Variants in ZSCAN31 observed in about 807,000 individuals in gnomAD.
ZSCAN31 encodes the protein zinc finger and SCAN domain-containing protein 31.
In ZSCAN31, 14 loss-of-function variants were observed where a neutral mutation model predicts 22.5. That is an observed-to-expected ratio of 0.62 (90% CI 0.41 to 0.97). The LOEUF is 0.97. Among genes scored for constraint, ZSCAN31 ranks in the 50% least tolerant of loss-of-function variants. ZSCAN31 has a pLI of 0.00. For missense variants in ZSCAN31, 424 were observed against 483.4 expected (o/e 0.88, Z 1.15); for synonymous variants, 168 against 169.8 (o/e 0.99, Z 0.08).
rs115829991 is a variant in ZSCAN31, at chr6:28,351,600, C to T, written c.-371+2262G>A. ...TCATTTTCTTTCATTCTTCTTTTCCCTCCTTTCCACTCTCTTTCCTTCCCT... is the reference window on the plus strand; with the variant it reads ...TCATTTTCTTTCATTCTTCTTTTCCTTCCTTTCCACTCTCTTTCCTTCCCT... On this transcript the variant is annotated intron_variant, in intron 2 of 7. Coordinates refer to the ZSCAN31 transcript ENST00000396838. The surrounding 1 kb of genome is among the most constrained non-coding windows in gnomAD (Gnocchi z 4.6). Among the ~76,000 whole-genome samples, 424 of 151,940 alleles carry T rather than the reference C, an allele frequency of 2.8e-3. 3 individuals carry two copies. The highest frequency in any genetic ancestry group is 9.6e-3 in the African/African-American group (396 of 41,426).
At position 28,325,825 on chromosome 6, in the gene ZSCAN31, C is replaced by T. The variant is rs1763220332; in HGVS notation, c.*341G>A. The stretch of plus-strand genomic sequence containing the variant: ...CAGTATTGCTCAAAAACAGCCCCTC[C>T]ATAACAATTTATTTCCAGATAAGAT... On this transcript the variant is annotated 3_prime_UTR_variant, in exon 4 of 4. Transcript: ENST00000344279. 5.2e-6 allele frequency: 1 copy of T among 193,910 alleles called. No individual in the cohort carries two copies. The allele number at this position is 193,910 out of a possible 1,614,324, so 12.0% of individuals were successfully genotyped here.
At position 28,333,198 on chromosome 6, in the gene ZSCAN31, A is replaced by G. The variant is rs1763894179; in HGVS notation, c.-96+2884T>C. On this transcript the variant is annotated intron_variant, in intron 1 of 3. Transcript: ENST00000344279. The surrounding 1 kb of genome is among the most constrained non-coding windows in gnomAD (Gnocchi z 4.1). ...ACACTCATGAAAGGGAGACAGAAAA[A>G]TAAAAGGTAGTTGACTGCTGACTCA... Among the ~76,000 whole-genome samples, 1 of 152,224 alleles carries G rather than the reference A, an allele frequency of 6.6e-6. No homozygotes were observed. The highest frequency in any genetic ancestry group is 2.4e-5 in the African/African-American group (1 of 41,452).
At chr6:28,327,276 C>T (rs1010958346) in intron 3 of ZSCAN31, 107 bp downstream of exon 3, 61 of 1,302,070 alleles carry the variant, frequency 4.7e-5, no homozygotes, top group Non-Finnish European at 5.6e-5. Context: ...TTAAATGCAG[C>T]GTTTAAATTC....
intron 2 of ZSCAN31, chr6:28,350,121 G>C (rs1382991041): frequency 7.4e-6 from 1 of 135,440 alleles, no homozygotes; most frequent in African/African-American, 2.9e-5. Flanking sequence ...TTTGTGGAGA[G>C]AGGCCCTTCC....
At chr6:28,352,397 T>G (rs978228209) in intron 2 of ZSCAN31, among the ~76,000 whole-genome samples, 2 of 152,182 alleles carry the variant, frequency 1.3e-5, no homozygotes, top group Admixed American at 1.3e-4. Context: ...GGATTACAGG[T>G]GTGTACCACC....
At chr6:28,352,953 C>G (rs1315960326) in intron 2 of ZSCAN31, among the ~76,000 whole-genome samples, 1 of 142,408 alleles carries the variant, frequency 7.0e-6, no homozygotes, top group Non-Finnish European at 1.5e-5. Flanking sequence ...CATTTCTTTT[C>G]TTTTCTTTTT....
At position 28,353,999 on chromosome 6, in the gene ZSCAN31, C is replaced by G. The variant is rs545964565; in HGVS notation, c.-461-47G>C. ...TTTTATTCAGCAGCAGCTGCTGCAG[C>G]TCTCACACTGTCTGCCTCTGTCTCG... is the stretch of plus-strand genomic sequence containing the variant. On this transcript the variant is annotated intron_variant, in intron 1 of 7. Coordinates refer to the ZSCAN31 transcript ENST00000396838. The G allele has an allele frequency of 1.3e-4, 61 of 453,846 alleles. 1 individual carries two copies. The highest frequency in any genetic ancestry group is 9.5e-4 in the South Asian group (61 of 64,396). The allele number at this position is 453,846 out of a possible 1,614,324, so 28.1% of individuals were successfully genotyped here.
In ZSCAN31 at chr6:28,331,034, A is replaced by C. The variant is rs1763700096; in HGVS notation, c.-95-1256T>G. ...AACTATAGAATATGGGTTGTGGGTAAAATTGTGAGAGGAGATGAGGTTAGA... is the reference window on the plus strand; with the variant it reads ...AACTATAGAATATGGGTTGTGGGTACAATTGTGAGAGGAGATGAGGTTAGA... On this transcript the variant is annotated intron_variant, in intron 1 of 3. Coordinates refer to ENST00000344279, the MANE Select transcript of ZSCAN31 (RefSeq NM_030899.5). The surrounding 1 kb of genome is among the most constrained non-coding windows in gnomAD (Gnocchi z 4.8). Among the ~76,000 whole-genome samples the C allele has an allele frequency of 1.3e-5, 2 of 152,182 alleles. No homozygotes were observed. Among genetic ancestry groups the C allele is most frequent in the South Asian group, 4.1e-4 (2 of 4,832 alleles).
At position 28,326,372 on chromosome 6, in the gene ZSCAN31, C is replaced by A. The variant is rs1763262732; in HGVS notation, c.1015G>T (p.Val339Phe). The part of the protein sequence containing the change: ...GKAFLLSSCL[V>F]QHQRIHTGEK... ...CCAGTGTGTATCCTCTGATGCTGAACAAGGCATGAGCTGAGGAGGAAAGCC... is the reference window on the plus strand; with the variant it reads ...CCAGTGTGTATCCTCTGATGCTGAAAAAGGCATGAGCTGAGGAGGAAAGCC... Residue 339 changes from valine (V) to phenylalanine (F), a missense_variant, in exon 4 of 4, where the codon GTT becomes TTT. By Grantham distance (50) the Val-to-Phe change is conservative. Coordinates refer to ENST00000344279, the MANE Select transcript of ZSCAN31 (RefSeq NM_030899.5). 6.2e-7 allele frequency: 1 copy of A among 1,614,204 alleles called. No homozygotes were observed. The highest frequency in any genetic ancestry group is 1.3e-5 in the African/African-American group (1 of 75,042).
At chr6:28,330,511 A>T (rs1763660317) in intron 1 of ZSCAN31, among the ~76,000 whole-genome samples, 1 of 152,236 alleles carries the variant, frequency 6.6e-6, no homozygotes, top group Non-Finnish European at 1.5e-5. Flanking sequence ...GAGCACAGAC[A>T]TGATGCTAAA....
At chr6:28,356,182 A>G (rs972023658), upstream of ZSCAN31, 2 of 152,218 alleles carry the variant, frequency 1.3e-5, no homozygotes, top group Non-Finnish European at 2.9e-5. Context: ...TCAGTTCCCA[A>G]TCAAACAGGA....
rs1257594838 is a variant in ZSCAN31 at position 28,327,365 on chromosome 6, A to T, written c.532+18T>A. 5 of 1,613,778 alleles carry T rather than the reference A, an allele frequency of 3.1e-6. No homozygotes were observed. The highest frequency in any genetic ancestry group is 4.2e-6 in the Non-Finnish European group (5 of 1,179,850). On this transcript the variant is annotated intron_variant, in intron 3 of 3. Coordinates refer to ENST00000344279, the MANE Select transcript of ZSCAN31 (RefSeq NM_030899.5). ...GACCCACCAGAGATCTCCTGAAGGG[A>T]CCTGTCAAAATCCTTACCTTGTTCT...
At chr6:28,328,891 G>A (rs1036655661) in intron 2 of ZSCAN31, among the ~76,000 whole-genome samples, 1 of 152,144 alleles carries the variant, frequency 6.6e-6, no homozygotes, top group Non-Finnish European at 1.5e-5. Flanking sequence ...GCTTCAGCTG[G>A]TCCCTCCATT....
intron 3 of ZSCAN31, chr6:28,341,682 T>A (rs1764419649): frequency 6.6e-6 from 1 of 152,220 alleles, no homozygotes; most frequent in African/African-American, 2.4e-5. Context: ...AAGAAAAAAT[T>A]GGAGCATGCA....
chr6:28,336,385 G>A (rs1561917675), upstream of ZSCAN31: 1 of 152,192 alleles, frequency 6.6e-6, no homozygotes, highest in Non-Finnish European at 1.5e-5. Flanking sequence ...CATTAGAGCC[G>A]GAAGGTGTTA....
intron 2 of ZSCAN31, among the ~76,000 whole-genome samples, chr6:28,344,957 C>T (rs554481551): frequency 1.2e-4 from 18 of 147,032 alleles, no homozygotes; most frequent in African/African-American, 4.4e-4. Flanking sequence ...TGGCAAAACC[C>T]GTTCTCTACT....
rs1437442307 is a variant in ZSCAN31 at position 28,349,851 on chromosome 6, G to T, written c.-371+4011C>A. ...CCTCTTTAATAGCAAAAGGGGAGGG[G>T]ACACAAGGTGCCGAGCTAGCAAACG... is the stretch of plus-strand genomic sequence containing the variant. On this transcript the variant is annotated intron_variant, in intron 2 of 7. Transcript: ENST00000396838. This position sits in a 1 kb window ranked among gnomAD's most constrained non-coding sequence, Gnocchi z 4.1. The T allele has an allele frequency of 3.3e-5, 5 of 152,234 alleles. No individual in the cohort carries two copies. Among genetic ancestry groups the T allele is most frequent in the Admixed American group, 6.5e-5 (1 of 15,284 alleles). The allele number at this position is 152,234 out of a possible 1,614,324, so 9.4% of individuals were successfully genotyped here. A position where few individuals can be genotyped will look rare whatever the true frequency, so the allele number is the denominator to read the frequency against.
chr6:28,352,944 ATTTCT>A (rs1219840022), intron 2 of ZSCAN31, among the ~76,000 whole-genome samples: 2 of 145,580 alleles, frequency 1.4e-5, no homozygotes, highest in Non-Finnish European at 3.0e-5. Context: ...CCAGCCTTAC[ATTTCT>A]TTTCTTTTCT....
intron 3 of ZSCAN31, among the ~76,000 whole-genome samples, 169 bp from the exon 4 acceptor site, chr6:28,327,023 G>A (rs1331988047): frequency 6.6e-6 from 1 of 152,206 alleles, no homozygotes; most frequent in East Asian, 1.9e-4. Flanking sequence ...AGTAGAGTAA[G>A]GGGTCATCAG....
Sources: allele counts gnomAD v4.1 joint callset (sites outside exome capture counted in the v4.1 genomes callset), GRCh38; gene constraint gnomAD v4.1.1; non-coding constraint Gnocchi (gnomAD v3.1); transcripts MANE v1.5; gene names NCBI Gene and HGNC (gene_info 2026-07-23, HGNC 2026-07-21).